The following MSH3 variants were observed in gnomAD, a reference collection of about 807,000 sequenced individuals.
MSH3 encodes DNA mismatch repair protein Msh3.
MSH3 carries 106 observed loss-of-function variants against 123.3 expected under a neutral mutation model. That is an observed-to-expected ratio of 0.86 (90% CI 0.73 to 1.01). The LOEUF is 1.01. Among genes scored for constraint, MSH3 ranks in the 50% least tolerant of loss-of-function variants. The pLI is 0.00. For missense variants in MSH3, 1,459 were observed against 1,347.6 expected, an observed-to-expected ratio of 1.08 and a Z score of -1.29; for synonymous variants, 515 against 481.4, an observed-to-expected ratio of 1.07 and a Z score of -0.91.
chr5:80,792,865 A>T, intron 19 of MSH3, 21 bp downstream of exon 19: 1 of 1,471,534 alleles, frequency 6.8e-7, no homozygotes. Flanking sequence ...TATGCCAAAA[A>T]ATAAGTCGAT....
intron 7 of MSH3, among the ~76,000 whole-genome samples, chr5:80,677,344 C>G (rs1749864972): frequency 6.6e-6 from 1 of 152,136 alleles, no homozygotes; most frequent in Non-Finnish European, 1.5e-5. Context: ...CAGTGTGATA[C>G]ATATCACACA....
intron 19 of MSH3, among the ~76,000 whole-genome samples, chr5:80,804,745 G>A (rs1293267393): frequency 6.6e-6 from 1 of 152,140 alleles, no homozygotes; most frequent in Non-Finnish European, 1.5e-5. Flanking sequence ...CAGAATACTG[G>A]GTCTTACCCA....
At chr5:80,676,089 G>A (rs1165187572) in intron 7 of MSH3, among the ~76,000 whole-genome samples, 4 of 152,138 alleles carry the variant, frequency 2.6e-5, no homozygotes, top group African/African-American at 9.7e-5. Flanking sequence ...GGAGTGCAAT[G>A]GCGTGATCTT....
chr5:80,654,655 C>G lies in MSH3; in HGVS notation c.-73C>G, dbSNP rs766852917. The G allele has an allele frequency of 6.9e-7, 1 of 1,444,824 alleles. No individual in the cohort carries two copies. The highest frequency in any genetic ancestry group is 2.0e-5 in the Admixed American group (1 of 49,332). The allele number at this position is 1,444,824 out of a possible 1,614,324, so 89.5% of individuals were successfully genotyped here. A position where few individuals can be genotyped will look rare whatever the true frequency, so the allele number is the denominator to read the frequency against. ...GTCGCGGCGTGCTCGCGCCCGCAGA[C>G]GCCTGGGAACTGCGGCCGCGGGCTC... is the stretch of plus-strand genomic sequence containing the variant. On this transcript the variant is annotated 5_prime_UTR_variant, in exon 1 of 24. Coordinates refer to ENST00000265081, the MANE Select transcript of MSH3 (RefSeq NM_002439.5).
At chr5:80,769,071 A>G in intron 15 of MSH3, 68 bp downstream of exon 15, 1 of 1,404,086 alleles carries the variant, frequency 7.1e-7, no homozygotes, top group South Asian at 1.2e-5. Context: ...TAAAATGTAA[A>G]TAGAAATCTG....
intron 8 of MSH3, among the ~76,000 whole-genome samples, chr5:80,713,426 G>A (rs1038722081): frequency 1.3e-5 from 2 of 151,980 alleles, no homozygotes; most frequent in Non-Finnish European, 2.9e-5. Context: ...GGCATGCCCT[G>A]TGTAATGACT....
At chr5:80,748,539 C>G (rs1268517058) in intron 12 of MSH3, among the ~76,000 whole-genome samples, 1 of 151,936 alleles carries the variant, frequency 6.6e-6, no homozygotes, top group Non-Finnish European at 1.5e-5. Flanking sequence ...CAAGAAGATT[C>G]TTCAGTGTAG....
chr5:80,865,099 C>T (rs1429495646), intron 22 of MSH3, among the ~76,000 whole-genome samples, 157 bp downstream of exon 22: 4 of 152,190 alleles, frequency 2.6e-5, no homozygotes, highest in Non-Finnish European at 4.4e-5. Context: ...AGCTTTAGGT[C>T]AAGTAGAATT....
chr5:80,745,643 G>A (rs1248327245), intron 12 of MSH3, among the ~76,000 whole-genome samples: 7 of 152,198 alleles, frequency 4.6e-5, no homozygotes, highest in Non-Finnish European at 2.9e-5. Flanking sequence ...GAAGAGAACC[G>A]CTATGTGTTG....
chr5:80,655,086 G>C (rs1170424899), intron 1 of MSH3, 122 bp downstream of exon 1: 8 of 588,592 alleles, frequency 1.4e-5, no homozygotes, highest in Non-Finnish European at 2.2e-5. Context: ...GGGGCGGGCT[G>C]AAGAAGGGGA....
In MSH3 at chr5:80,722,679, A is replaced by T. The variant is rs1278993471; in HGVS notation, c.1341-2774A>T. On this transcript the variant is annotated intron_variant, in intron 8 of 23. Transcript: ENST00000265081. ...ACAACCAAAGCTGTATAAAACCTTC[A>T]TGGAGGAAATTACAGAACATTACTG... 2.6e-5 allele frequency among the ~76,000 whole-genome samples: 4 copies of T among 152,230 alleles called. No individual in the cohort carries two copies. The East Asian group carries it at 7.7e-4, about 29-fold the overall frequency.
rs1232568306 is a variant in MSH3, at chr5:80,776,924, A to AT, written c.2318+1167dup. On this transcript the variant is annotated intron_variant, in intron 16 of 23. Transcript: ENST00000265081. Reference sequence around the variant, plus strand: ...AAATATAATACAAATATATATATATATATATTTTTTTTTTTTCTTTTTTTT... The same window carrying AT: ...AAATATAATACAAATATATATATATATTATATTTTTTTTTTTTCTTTTTTTT... Among the ~76,000 whole-genome samples, 663 of 129,142 alleles carry AT rather than the reference A, an allele frequency of 5.1e-3. 3 individuals are homozygous for AT. Among genetic ancestry groups the AT allele is most frequent in the African/African-American group, 0.019 (629 of 32,694 alleles). The allele number at this position is 129,142 out of a possible 152,430, so 84.7% of individuals were successfully genotyped here.
intron 12 of MSH3, among the ~76,000 whole-genome samples, chr5:80,756,414 G>A (rs1451886841): frequency 6.6e-6 from 1 of 152,098 alleles, no homozygotes; most frequent in Non-Finnish European, 1.5e-5. Context: ...TTTCTAACTG[G>A]TATTCCTGAC....
intron 20 of MSH3, among the ~76,000 whole-genome samples, chr5:80,844,752 G>A (rs769646938): frequency 6.6e-6 from 1 of 150,450 alleles, no homozygotes; most frequent in South Asian, 2.1e-4. Flanking sequence ...CCATTTGTTT[G>A]GTAGATCTGC....
At chr5:80,677,792 A>G (rs1354115517) in intron 7 of MSH3, among the ~76,000 whole-genome samples, 4 of 152,130 alleles carry the variant, frequency 2.6e-5, no homozygotes, top group Admixed American at 6.5e-5. Context: ...TTTGTTTACC[A>G]TTTTGTATGT....
chr5:80,728,814 G>A, intron 9 of MSH3, 37 bp from the exon 10 acceptor site: 2 of 1,130,674 alleles, frequency 1.8e-6, no homozygotes, highest in Non-Finnish European at 2.7e-6. Flanking sequence ...TAATTTAAAA[G>A]AATTTTTATA....
intron 8 of MSH3, among the ~76,000 whole-genome samples, chr5:80,718,914 A>G (rs1391527617): frequency 1.3e-5 from 2 of 152,214 alleles, no homozygotes; most frequent in South Asian, 2.1e-4. Flanking sequence ...CCATTTTGCC[A>G]TGATGCTAGT....
chr5:80,656,340 A>G, intron 1 of MSH3, 71 bp from the exon 2 acceptor site: 7 of 1,595,690 alleles, frequency 4.4e-6, no homozygotes, highest in Non-Finnish European at 6.0e-6. Context: ...TGTAAGGTTT[A>G]AATTGCTTCA....
At chr5:80,774,636 A>G (rs536817168) in intron 15 of MSH3, among the ~76,000 whole-genome samples, 82 of 152,366 alleles carry the variant, frequency 5.4e-4, no homozygotes, top group African/African-American at 1.8e-3. Context: ...GCCATAAAAA[A>G]GAATGAGATC....
Sources: allele counts gnomAD v4.1 joint callset (sites outside exome capture counted in the v4.1 genomes callset), GRCh38; gene constraint gnomAD v4.1.1; transcripts MANE v1.5; gene names NCBI Gene and HGNC (gene_info 2026-07-23, HGNC 2026-07-21).